SEL1L: variants seen among roughly 807,000 people sequenced by gnomAD.
SEL1L encodes protein sel-1 homolog 1.
In SEL1L, 52 loss-of-function variants were observed where a neutral mutation model predicts 109.8. That is an observed-to-expected ratio of 0.47 (90% CI 0.38 to 0.60). The LOEUF (loss-of-function observed/expected upper bound fraction) is 0.60. Ranked by LOEUF, SEL1L falls within the 20% of genes least tolerant of loss-of-function variation. The pLI is 0.00. For synonymous variants in SEL1L, 373 were observed against 339.6 expected (o/e 1.10, Z -1.08); for missense variants, 749 against 962.2 (o/e 0.78, Z 2.93).
At chr14:81,506,370 A>T in intron 3 of SEL1L, 129 bp from the exon 4 acceptor site, 1 of 769,338 alleles carries the variant, frequency 1.3e-6, no homozygotes, top group Non-Finnish European at 2.0e-6. Context: ...AACTGGGAAC[A>T]TAAAAGGGCT....
chr14:81,481,975 G>C (rs1183336368), intron 19 of SEL1L, among the ~76,000 whole-genome samples: 1 of 151,688 alleles, frequency 6.6e-6, no homozygotes, highest in Non-Finnish European at 1.5e-5. Context: ...AGGTTGCAGA[G>C]AGCCAAGATT....
chr14:81,495,867 C>T (rs983386311), intron 10 of SEL1L, among the ~76,000 whole-genome samples: 2 of 151,822 alleles, frequency 1.3e-5, no homozygotes, highest in African/African-American at 4.8e-5. Context: ...ACCTGGGAGG[C>T]AGAGGTTAAG....
Position 81,472,675 on chromosome 14 carries a change from G to A in SEL1L, c.*4297C>T, listed in dbSNP as rs981846839. On this transcript the variant is annotated 3_prime_UTR_variant, in exon 21 of 21. Transcript: ENST00000336735. ...TTACTACATATCAAGGCTGCTTCAA[G>A]ACAAAGATATCAGAGATTTAAAAGA... The A allele has an allele frequency of 5.2e-6, 2 of 384,222 alleles. No homozygotes were observed. Among genetic ancestry groups the A allele is most frequent in the Non-Finnish European group, 1.0e-5 (2 of 199,838 alleles). The allele number at this position is 384,222 out of a possible 1,614,324, so 23.8% of individuals were successfully genotyped here.
chr14:81,506,077 C>G lies in SEL1L; in HGVS notation c.505G>C (p.Glu169Gln). ...YKADEKWGFC[E>Q]TEEEAAKRRQ... ...CCTCCTACTGAGCAATACTTACTTT[C>G]ACAAAAGCCCCACTTTTCATCTGCT... is the stretch of plus-strand genomic sequence containing the variant. The change falls in exon 4 of 21, where the codon GAA becomes CAA. Residue 169 changes from glutamate (E) to glutamine (Q), a missense_variant. Physicochemically the swap from Glu to Gln is conservative, Grantham distance 29 (BLOSUM62 2). Coordinates refer to ENST00000336735, the MANE Select transcript of SEL1L (RefSeq NM_005065.6). 6.2e-7 allele frequency: 1 copy of G among 1,613,396 alleles called. No individual in the cohort carries two copies. Among genetic ancestry groups the G allele is most frequent in the South Asian group, 1.1e-5 (1 of 90,990 alleles).
At chr14:81,489,748 T>C (rs753366768) in intron 13 of SEL1L, among the ~76,000 whole-genome samples, 7 of 152,188 alleles carry the variant, frequency 4.6e-5, no homozygotes, top group Non-Finnish European at 8.8e-5. Context: ...GCAATGCTGC[T>C]ATCAGGTGAC....
At chr14:81,508,103 T>C (rs1161421930) in intron 3 of SEL1L, among the ~76,000 whole-genome samples, 1 of 152,146 alleles carries the variant, frequency 6.6e-6, no homozygotes, top group Admixed American at 6.5e-5. Flanking sequence ...GCTATTATTA[T>C]GGGCATCCCT....
intron 5 of SEL1L, 49 bp from the exon 6 acceptor site, chr14:81,502,932 C>T: frequency 6.7e-7 from 1 of 1,484,116 alleles, no homozygotes; most frequent in South Asian, 1.3e-5. Context: ...TTTGAAACTG[C>T]CATTAAGTTT....
intron 16 of SEL1L, 27 bp from the exon 17 acceptor site, chr14:81,486,481 C>A: frequency 1.9e-6 from 3 of 1,607,198 alleles, no homozygotes; most frequent in Non-Finnish European, 1.7e-6. Context: ...AAAAAAATAT[C>A]AGTAGAAGAA....
intron 3 of SEL1L, among the ~76,000 whole-genome samples, chr14:81,522,848 GTAAA>G (rs1884973806): frequency 6.6e-6 from 1 of 152,182 alleles, no homozygotes; most frequent in South Asian, 2.1e-4. Context: ...GAAATGCTAT[GTAAA>G]TAGTTACGCT....
intron 14 of SEL1L, chr14:81,488,930 T>C (rs916815311): frequency 5.1e-5 from 16 of 315,648 alleles, no homozygotes; most frequent in Admixed American, 1.1e-4. Flanking sequence ...TTTGTCAGGA[T>C]TGAGTAAAAA....
chr14:81,522,649 C>T (rs147729714), intron 3 of SEL1L, among the ~76,000 whole-genome samples: 39 of 152,154 alleles, frequency 2.6e-4, no homozygotes, highest in African/African-American at 9.4e-4. Flanking sequence ...AGAATGCATC[C>T]CCATTGTTAA....
At chr14:81,495,976 C>A (rs921815041) in intron 10 of SEL1L, among the ~76,000 whole-genome samples, 1 of 152,062 alleles carries the variant, frequency 6.6e-6, no homozygotes, top group African/African-American at 2.4e-5. Context: ...AAAACAAAAA[C>A]ACAAAGTATC....
In SEL1L at chr14:81,474,927, GT is replaced by G. The variant is rs1903113042; in HGVS notation, c.*2044del. 6.6e-6 allele frequency: 1 copy of G among 152,174 alleles called. No individual in the cohort carries two copies. The highest frequency in any genetic ancestry group is 1.5e-5 in the Non-Finnish European group (1 of 68,028). 9.4% of individuals were successfully genotyped at this position (152,174 alleles called of 1,614,324 possible). A position where few individuals can be genotyped will look rare whatever the true frequency, so the allele number is the denominator to read the frequency against. On this transcript the variant is annotated 3_prime_UTR_variant, in exon 21 of 21. Transcript: ENST00000336735. Reference sequence around the variant, plus strand: ...TTTAAGAAATGTTTTCTCAAAGCACGTACTCAATGGAGGGAAGGAAAGTTAG... The same window carrying G: ...TTTAAGAAATGTTTTCTCAAAGCACGACTCAATGGAGGGAAGGAAAGTTAG...
intron 4 of SEL1L, among the ~76,000 whole-genome samples, chr14:81,505,128 G>C (rs1884186541): frequency 6.6e-6 from 1 of 152,136 alleles, no homozygotes; most frequent in South Asian, 2.1e-4. Context: ...TGGGATCAAA[G>C]GACACTTTAG....
At chr14:81,482,610 T>C (rs1427749440) in intron 19 of SEL1L, among the ~76,000 whole-genome samples, 1 of 152,112 alleles carries the variant, frequency 6.6e-6, no homozygotes, top group Non-Finnish European at 1.5e-5. Flanking sequence ...CTTCAGTTAC[T>C]ACATTAAGTG....
At chr14:81,516,143 C>T (rs1884692601) in intron 3 of SEL1L, among the ~76,000 whole-genome samples, 2 of 152,322 alleles carry the variant, frequency 1.3e-5, no homozygotes, top group South Asian at 4.1e-4. Flanking sequence ...CCAGAAGCCC[C>T]CAACCAGATG....
intron 19 of SEL1L, among the ~76,000 whole-genome samples, chr14:81,483,175 A>G (rs1005087270): frequency 3.9e-5 from 6 of 152,252 alleles, no homozygotes; most frequent in Non-Finnish European, 7.3e-5. Flanking sequence ...TTTCACATAC[A>G]TGACATTCTA....
chr14:81,510,481 T>TCC (rs1884422046), intron 3 of SEL1L, among the ~76,000 whole-genome samples: 4 of 102,322 alleles, frequency 3.9e-5, no homozygotes, highest in Non-Finnish European at 2.0e-5. Flanking sequence ...GATCTCTCTC[T>TCC]CTCTCTCTCT....
chr14:81,517,167 G>C (rs562885637), intron 3 of SEL1L, among the ~76,000 whole-genome samples: 20 of 152,170 alleles, frequency 1.3e-4, no homozygotes, highest in Non-Finnish European at 2.8e-4. Flanking sequence ...AGCAGTAGCT[G>C]AGCTGCTGTT....
Sources: gnomAD v4.1 joint callset for allele counts (sites outside exome capture counted in the v4.1 genomes callset) on GRCh38, gnomAD v4.1.1 for gene constraint, MANE v1.5 for transcripts, NCBI Gene and HGNC (gene_info 2026-07-23, HGNC 2026-07-21) for gene names.